The following WBP2 variants were observed in gnomAD, a reference collection of about 807,000 sequenced individuals.
The protein encoded by WBP2 is WW domain-binding protein 2.
WBP2 carries 23 observed loss-of-function variants against 33.0 expected under a neutral mutation model. The ratio of observed to expected loss-of-function variants is 0.70; its 90% confidence interval spans 0.50 to 0.99. The LOEUF is 0.99. Ranked by LOEUF, WBP2 falls within the 50% of genes least tolerant of loss-of-function variation. The pLI, the probability that WBP2 is intolerant of heterozygous loss-of-function variation, is 0.00. For missense variants in WBP2, 353 were observed against 358.0 expected (o/e 0.99, Z 0.11); for synonymous variants, 153 against 133.5 (o/e 1.15, Z -1.01).
Position 75,848,206 on chromosome 17 carries a change from G to A in WBP2, c.398-276C>T, listed in dbSNP as rs192035660. ...GGGAGGGAGGCTCAGGGCTGGGGTA[G>A]GAGTGAGCTGGCGGAGGATGTCTGC... On this transcript the variant is annotated intron_variant, in intron 4 of 7. Coordinates refer to ENST00000254806, the MANE Select transcript of WBP2 (RefSeq NM_012478.4). 26 of 592,640 alleles carry A rather than the reference G, an allele frequency of 4.4e-5. No individual in the cohort carries two copies. The African/African-American group carries it at 4.8e-4, about 11-fold the overall frequency. The allele number at this position is 592,640 out of a possible 1,614,324, so 36.7% of individuals were successfully genotyped here. A position where few individuals can be genotyped will look rare whatever the true frequency, so the allele number is the denominator to read the frequency against.
At chr17:75,849,821 C>G (rs568432060) in intron 2 of WBP2, 82 bp from the exon 3 acceptor site, 8 of 1,546,294 alleles carry the variant, frequency 5.2e-6, no homozygotes, top group Non-Finnish European at 7.0e-6. Context: ...CTGGGAGTGA[C>G]GAATCCTCTC....
intron 2 of WBP2, 124 bp downstream of exon 2, chr17:75,851,444 A>G: frequency 1.4e-6 from 1 of 705,010 alleles, no homozygotes; most frequent in African/African-American, 1.8e-5. Context: ...AGAGTGAAGC[A>G]CTAACACTCA....
At chr17:75,854,160 G>C (rs2143935729) in intron 1 of WBP2, among the ~76,000 whole-genome samples, 1 of 151,656 alleles carries the variant, frequency 6.6e-6, no homozygotes, top group East Asian at 1.9e-4. Context: ...TAGAGGGAAA[G>C]TGAGCATGCT....
chr17:75,848,862 C>T, intron 3 of WBP2, 200 bp from the exon 4 acceptor site: 2 of 603,500 alleles, frequency 3.3e-6, no homozygotes, highest in Non-Finnish European at 5.9e-6. Context: ...CCTGGCCTGG[C>T]CCTGCTGTAC....
chr17:75,848,774 G>A (rs2065011208), intron 3 of WBP2, 112 bp from the exon 4 acceptor site: 2 of 933,452 alleles, frequency 2.1e-6, no homozygotes, highest in East Asian at 2.6e-5. Context: ...GCCTGCGGGG[G>A]CTGGGCCTGC....
chr17:75,850,169 G>A (rs1430103583), intron 2 of WBP2, among the ~76,000 whole-genome samples: 4 of 152,134 alleles, frequency 2.6e-5, no homozygotes, highest in Non-Finnish European at 4.4e-5. Flanking sequence ...CTCCCATTGA[G>A]GGGGGCTATA....
In WBP2 at chr17:75,848,671, G is replaced by A; in HGVS notation, c.305-9C>T. On this transcript the variant is annotated splice_polypyrimidine_tract_variant and intron_variant, in intron 3 of 7. Coordinates refer to ENST00000254806, the MANE Select transcript of WBP2 (RefSeq NM_012478.4). ...AGAGCCTTCCCAGCCACCTGAAAGG[G>A]GAAGGACAGTGAATAAACAGCACAG... 1 of 1,610,550 alleles carries A rather than the reference G, an allele frequency of 6.2e-7. No individual in the cohort carries two copies. Among genetic ancestry groups the A allele is most frequent in the Non-Finnish European group, 8.5e-7 (1 of 1,177,696 alleles).
chr17:75,851,465 G>A, intron 2 of WBP2, 103 bp downstream of exon 2: 1 of 826,488 alleles, frequency 1.2e-6, no homozygotes, highest in Non-Finnish European at 2.1e-6. Context: ...CCAGGATTCA[G>A]AGGCCACCTG....
Position 75,848,244 on chromosome 17 carries a change from C to T in WBP2, c.398-314G>A, listed in dbSNP as rs576154445. 310 of 580,808 alleles carry T rather than the reference C, an allele frequency of 5.3e-4. 3 individuals are homozygous for T. The South Asian group carries it at 5.9e-3, about 11-fold the overall frequency. 36.0% of individuals were successfully genotyped at this position (580,808 alleles called of 1,614,324 possible). On this transcript the variant is annotated intron_variant, in intron 4 of 7. Transcript: ENST00000254806. The stretch of plus-strand genomic sequence containing the variant: ...GGAGGATGTCTGCTGGCCCATCCCT[C>T]GGTCATTTTCAATGGCTGCGGAACC...
At chr17:75,850,132 G>C (rs2065019091) in intron 2 of WBP2, among the ~76,000 whole-genome samples, 2 of 152,226 alleles carry the variant, frequency 1.3e-5, no homozygotes, top group South Asian at 4.1e-4. Context: ...CTCCAGAACT[G>C]AGAATGATGG....
At chr17:75,855,847 G>T (rs2065055765), upstream of WBP2, among the ~76,000 whole-genome samples, 1 of 152,248 alleles carries the variant, frequency 6.6e-6, no homozygotes, top group Non-Finnish European at 1.5e-5. Context: ...GTGACTCTGG[G>T]GCGTTTAGCT....
chr17:75,847,354 G>A, intron 6 of WBP2, 133 bp downstream of exon 6: 1 of 1,380,182 alleles, frequency 7.2e-7, no homozygotes, highest in Non-Finnish European at 9.9e-7. Context: ...GCCCTGCTGG[G>A]CCCCTGGGGT....
At chr17:75,854,598 A>G (rs574262821) in intron 1 of WBP2, among the ~76,000 whole-genome samples, 1 of 152,322 alleles carries the variant, frequency 6.6e-6, no homozygotes, top group East Asian at 1.9e-4. Flanking sequence ...ACACCTGACA[A>G]ACGTCATCTG....
In WBP2 at chr17:75,847,827, A is replaced by AGTCCT. The variant is rs1249493596; in HGVS notation, c.500_501insAGGAC (p.Pro168GlyfsTer20). The AGTCCT allele has an allele frequency of 1.9e-6, 3 of 1,558,118 alleles. No individual in the cohort carries two copies. The Admixed American group carries it at 5.8e-5, about 30-fold the overall frequency. ...GGGGCGGTGGATAGGGGTAGCCAGG[A>AGTCCT]GGGCAGGGGTACATTCCATTGGCGA... On this transcript the variant is annotated frameshift_variant, in exon 5 of 8. Coordinates refer to ENST00000254806, the MANE Select transcript of WBP2 (RefSeq NM_012478.4). LOFTEE classifies it high-confidence loss of function.
At position 75,855,269 on chromosome 17, in the gene WBP2, C is replaced by T; in HGVS notation, c.29G>A (p.Gly10Asp). 1.2e-6 allele frequency: 2 copies of T among 1,612,920 alleles called. No homozygotes were observed. The highest frequency in any genetic ancestry group is 1.7e-6 in the Non-Finnish European group (2 of 1,179,948). The change falls in exon 1 of 8, where the codon GGC becomes GAC. Residue 10 changes from glycine (G) to aspartate (D), a missense_variant. Gly to Asp is a moderately conservative substitution (Grantham distance 94). Transcript: ENST00000254806. MALNKNHSE[G>D]GGVIVNNTES... is the part of the protein sequence containing the mutation. ...GGTGTTATTGACGATCACTCCGCCG[C>T]CCTCCGAGTGATTCTTGTTGAGCGC...
chr17:75,853,343 G>A (rs111752613), intron 1 of WBP2, among the ~76,000 whole-genome samples: 3,214 of 152,270 alleles, frequency 0.021, 104 homozygotes, highest in African/African-American at 0.072. Flanking sequence ...ACCATGCCCA[G>A]CCTAATTATC....
intron 1 of WBP2, among the ~76,000 whole-genome samples, chr17:75,854,043 T>TAAAAAAAA (rs55857053): frequency 1.8e-5 from 1 of 55,454 alleles, no homozygotes; most frequent in African/African-American, 6.4e-5. Context: ...AGCCTCCATC[T>TAAAAAAAA]AAAAAAAAAA....
intron 1 of WBP2, 155 bp downstream of exon 1, chr17:75,855,084 C>A: frequency 2.5e-6 from 1 of 400,958 alleles, no homozygotes; most frequent in Non-Finnish European, 4.5e-6. Flanking sequence ...ACGGCCCACC[C>A]ACCTTCCTCC....
At position 75,849,757 on chromosome 17, in the gene WBP2, G is replaced by A. The variant is rs1386721075; in HGVS notation, c.169-18C>T. 1.9e-6 allele frequency: 3 copies of A among 1,613,354 alleles called. No homozygotes were observed. Among genetic ancestry groups the A allele is most frequent in the African/African-American group, 1.3e-5 (1 of 75,030 alleles). ...AAGATGACCTGCAGGGAGAGAGGGT[G>A]AGGCCATCAGTACTAGAAGCACAGC... On this transcript the variant is annotated intron_variant, in intron 2 of 7. Transcript: ENST00000254806.
Sources: gnomAD v4.1 joint callset for allele counts (sites outside exome capture counted in the v4.1 genomes callset) on GRCh38, gnomAD v4.1.1 for gene constraint, MANE v1.5 for transcripts, NCBI Gene and HGNC (gene_info 2026-07-23, HGNC 2026-07-21) for gene names.